Variants in LPP observed in about 807,000 individuals in gnomAD.
LPP encodes lipoma-preferred partner.
LPP carries 38 observed loss-of-function variants against 60.4 expected under a neutral mutation model. The observed-to-expected ratio is 0.63, with a 90% CI of 0.49 to 0.83. The LOEUF (loss-of-function observed/expected upper bound fraction) is 0.83, where lower values mean the gene tolerates loss of function less well. Among genes scored for constraint, LPP ranks in the 40% least tolerant of loss-of-function variants. The pLI is 0.00. For missense variants in LPP, 902 were observed against 783.6 expected (o/e 1.15, Z -1.80); for synonymous variants, 328 against 290.8 (o/e 1.13, Z -1.30).
chr3:188,707,105 AT>A (rs1865631529), intron 7 of LPP, among the ~76,000 whole-genome samples: 1 of 151,672 alleles, frequency 6.6e-6, no homozygotes, highest in Non-Finnish European at 1.5e-5. Context: ...CTCAATTGAT[AT>A]TTGATTCTCT....
rs554595002 is a variant in LPP, at chr3:188,305,571, T to C, written c.-66-36092T>C. On this transcript the variant is annotated intron_variant, in intron 2 of 11. Coordinates refer to ENST00000617246, the MANE Select transcript of LPP (RefSeq NM_001375462.1). Reference sequence around the variant, plus strand: ...CTTCTATTTCAGTTGCTGGTTTTGATTTTTCTCAACGCAACACACACACAA... The same window carrying C: ...CTTCTATTTCAGTTGCTGGTTTTGACTTTTCTCAACGCAACACACACACAA... Among the ~76,000 whole-genome samples the C allele has an allele frequency of 5.3e-5, 8 of 152,216 alleles. No individual in the cohort carries two copies. In the South Asian group the frequency reaches 1.0e-3, roughly 20 times the overall value.
chr3:188,697,919 T>A (rs182426745), intron 7 of LPP, among the ~76,000 whole-genome samples: 165 of 147,040 alleles, frequency 1.1e-3, no homozygotes, highest in South Asian at 2.3e-3. Flanking sequence ...ATTATGACAA[T>A]CCAAGTATCT....
chr3:188,776,567 T>C (rs568102530), intron 9 of LPP, among the ~76,000 whole-genome samples: 5 of 152,302 alleles, frequency 3.3e-5, no homozygotes, highest in African/African-American at 1.2e-4. Flanking sequence ...TGATGGCATC[T>C]TAATGGAATT....
At chr3:188,561,243 C>T (rs1830603186) in intron 6 of LPP, among the ~76,000 whole-genome samples, 1 of 151,980 alleles carries the variant, frequency 6.6e-6, no homozygotes. Flanking sequence ...AGAAATTTAC[C>T]ATTGCCATTG....
Position 188,877,961 on chromosome 3 carries a change from C to T in LPP, c.*3482C>T, listed in dbSNP as rs931898398. ...GGACTTATCAACACTATAATTGTTC[C>T]CTATGAAAGATTCCACAGAGATGTT... On this transcript the variant is annotated 3_prime_UTR_variant, in exon 12 of 12. Coordinates refer to ENST00000617246, the MANE Select transcript of LPP (RefSeq NM_001375462.1). 4 of 214,518 alleles carry T rather than the reference C, an allele frequency of 1.9e-5. No individual in the cohort carries two copies. Among genetic ancestry groups the T allele is most frequent in the Admixed American group, 5.8e-5 (1 of 17,116 alleles). The allele number at this position is 214,518 out of a possible 1,614,324, so 13.3% of individuals were successfully genotyped here. A position where few individuals can be genotyped will look rare whatever the true frequency, so the allele number is the denominator to read the frequency against.
At chr3:188,185,926 G>A (rs921075938) in intron 1 of LPP, among the ~76,000 whole-genome samples, 5 of 152,200 alleles carry the variant, frequency 3.3e-5, no homozygotes, top group Non-Finnish European at 7.3e-5. Flanking sequence ...GGTCTTAAAT[G>A]ACTGAGAAAA....
chr3:188,685,123 C>T (rs1252619004), intron 7 of LPP, among the ~76,000 whole-genome samples: 1 of 152,118 alleles, frequency 6.6e-6, no homozygotes, highest in African/African-American at 2.4e-5. Context: ...AGGAACCTGC[C>T]CAAGGTCATA....
At chr3:188,537,492 C>G (rs1363692245) in intron 6 of LPP, among the ~76,000 whole-genome samples, 1 of 152,188 alleles carries the variant, frequency 6.6e-6, no homozygotes, top group African/African-American at 2.4e-5. Flanking sequence ...TAAGAGCCAT[C>G]TGGATGCTCC....
chr3:188,753,010 A>T (rs1470279819), intron 8 of LPP, among the ~76,000 whole-genome samples: 1 of 152,290 alleles, frequency 6.6e-6, no homozygotes, highest in Non-Finnish European at 1.5e-5. Context: ...TGCAGGTGTT[A>T]ATGGGTTCTG....
At chr3:188,455,572 G>C (rs1366148750) in intron 4 of LPP, among the ~76,000 whole-genome samples, 1 of 152,108 alleles carries the variant, frequency 6.6e-6, no homozygotes, top group East Asian at 1.9e-4. Flanking sequence ...TGCTCTCTGC[G>C]AGACAGAGAC....
intron 9 of LPP, among the ~76,000 whole-genome samples, chr3:188,761,876 C>CT (rs777114374): frequency 6.6e-6 from 1 of 152,098 alleles, no homozygotes; most frequent in Non-Finnish European, 1.5e-5. Flanking sequence ...ACAGACTAAA[C>CT]CGGGTGTCAT....
chr3:188,454,800 C>T (rs928890352), intron 4 of LPP, among the ~76,000 whole-genome samples: 7 of 152,112 alleles, frequency 4.6e-5, no homozygotes, highest in Non-Finnish European at 7.4e-5. Flanking sequence ...TATGGGGGGA[C>T]CATCTCCATG....
chr3:188,230,109 TGGA>T lies in LPP; in HGVS notation c.-67+4584_-67+4586del, dbSNP rs1294670901. 4.1e-4 allele frequency among the ~76,000 whole-genome samples: 63 copies of T among 152,000 alleles called. 1 individual carries two copies. Among genetic ancestry groups the T allele is most frequent in the East Asian group, 3.9e-4 (2 of 5,160 alleles). Reference sequence around the variant, plus strand: ...AACATATTCTTTTTTTTTTTTGAGATGGAGTCTCATTCCGTTGCCAGGCCAGAG... The same window carrying T: ...AACATATTCTTTTTTTTTTTTGAGATGTCTCATTCCGTTGCCAGGCCAGAG... On this transcript the variant is annotated intron_variant, in intron 2 of 11. Coordinates refer to ENST00000617246, the MANE Select transcript of LPP (RefSeq NM_001375462.1).
chr3:188,372,381 G>A (rs1274129312), intron 3 of LPP, among the ~76,000 whole-genome samples: 1 of 151,936 alleles, frequency 6.6e-6, no homozygotes, highest in Non-Finnish European at 1.5e-5. Context: ...CAATTAGTAA[G>A]AAAAACACTT....
intron 4 of LPP, among the ~76,000 whole-genome samples, chr3:188,478,466 A>G (rs1194317859): frequency 1.3e-5 from 2 of 152,108 alleles, no homozygotes; most frequent in African/African-American, 4.8e-5. Flanking sequence ...CTAGATAGCA[A>G]TATTACCACA....
intron 2 of LPP, among the ~76,000 whole-genome samples, chr3:188,276,327 G>A (rs1173479248): frequency 1.3e-5 from 2 of 152,082 alleles, no homozygotes; most frequent in Non-Finnish European, 2.9e-5. Flanking sequence ...GTTGGTGGCC[G>A]GACCCCAACT....
At chr3:188,606,492 G>T (rs1015182074) in intron 6 of LPP, among the ~76,000 whole-genome samples, 3 of 151,692 alleles carry the variant, frequency 2.0e-5, no homozygotes, top group Non-Finnish European at 4.4e-5. Context: ...CTGTTTTTTT[G>T]GATATTCGTC....
chr3:188,504,613 A>G (rs1420818975), intron 5 of LPP, among the ~76,000 whole-genome samples: 2 of 152,012 alleles, frequency 1.3e-5, no homozygotes, highest in Middle Eastern at 3.4e-3. Context: ...TTGTGGGGTT[A>G]TTGTTGCCAG....
At position 188,880,920 on chromosome 3, in the gene LPP, G is replaced by A. The variant is rs1769895351; in HGVS notation, c.*6441G>A. ...CCAAGGCGGGCCGATCACGAGGTCAGGAGATCGAGACCATCCTGGCTAACA... is the reference window on the plus strand; with the variant it reads ...CCAAGGCGGGCCGATCACGAGGTCAAGAGATCGAGACCATCCTGGCTAACA... On this transcript the variant is annotated 3_prime_UTR_variant, in exon 12 of 12. Coordinates refer to ENST00000617246, the MANE Select transcript of LPP (RefSeq NM_001375462.1). 2.4e-5 allele frequency: 4 copies of A among 167,152 alleles called. No homozygotes were observed. The South Asian group carries it at 8.1e-4, about 34-fold the overall frequency. 10.4% of individuals were successfully genotyped at this position (167,152 alleles called of 1,614,324 possible).
Sources: allele counts gnomAD v4.1 joint callset (sites outside exome capture counted in the v4.1 genomes callset), GRCh38; gene constraint gnomAD v4.1.1; transcripts MANE v1.5; gene names NCBI Gene and HGNC (gene_info 2026-07-23, HGNC 2026-07-21).